Variants in DUS4L observed in about 807,000 individuals in gnomAD.
DUS4L encodes tRNA-dihydrouridine(20a/20b) synthase [NAD(P)+]-like.
A neutral mutation model predicts 33.8 loss-of-function variants in DUS4L; 31 were observed. That is an observed-to-expected ratio of 0.92 (90% CI 0.69 to 1.24). The LOEUF (loss-of-function observed/expected upper bound fraction) is 1.24, where lower values mean the gene tolerates loss of function less well. Ranked by LOEUF, DUS4L falls within the 50% of genes most tolerant of loss-of-function variation. The pLI is 0.00. For synonymous variants in DUS4L, 103 were observed against 120.3 expected, an observed-to-expected ratio of 0.86 and a Z score of 0.94; for missense variants, 368 against 388.6, an observed-to-expected ratio of 0.95 and a Z score of 0.45.
intron 2 of DUS4L, among the ~76,000 whole-genome samples, chr7:107,565,777 G>A (rs138320857): frequency 1.7e-3 from 256 of 152,098 alleles, no homozygotes; most frequent in African/African-American, 5.8e-3. Flanking sequence ...CTCCCACCTT[G>A]GCCTCCCAAA....
chr7:107,568,435 C>T (rs1477125250), intron 3 of DUS4L, among the ~76,000 whole-genome samples: 2 of 152,154 alleles, frequency 1.3e-5, no homozygotes, highest in Non-Finnish European at 2.9e-5. Context: ...TTGCATTTCC[C>T]TAATGATTAA....
chr7:107,571,983 C>T (rs182137013), intron 4 of DUS4L, among the ~76,000 whole-genome samples: 16 of 151,658 alleles, frequency 1.1e-4, no homozygotes, highest in African/African-American at 3.9e-4. Context: ...GTTTATGTTT[C>T]GTCATTCAGC....
chr7:107,577,421 G>C lies in DUS4L; in HGVS notation c.815G>C (p.Gly272Ala). Residue 272 changes from glycine to alanine, a missense_variant, in exon 8 of 8, where the codon GGG becomes GCG. By Grantham distance (60) the Gly-to-Ala change is moderately conservative. Transcript: ENST00000265720. ...TGGGTTGACATTGCTCTTGAACTCG[G>C]GACTCCTTACATGTGTTTCCATCAA... ...WDWVDIALEL[G>A]TPYMCFHQHL... 6.2e-7 allele frequency: 1 copy of C among 1,614,004 alleles called. No homozygotes were observed. The highest frequency in any genetic ancestry group is 1.1e-5 in the South Asian group (1 of 91,072).
chr7:107,569,330 A>C (rs1804991451), intron 3 of DUS4L, among the ~76,000 whole-genome samples: 1 of 152,236 alleles, frequency 6.6e-6, no homozygotes, highest in African/African-American at 2.4e-5. Context: ...ACACAGTTTT[A>C]CTATATAGCT....
intron 6 of DUS4L, 63 bp downstream of exon 6, chr7:107,575,373 G>A (rs1805634358): frequency 1.4e-5 from 22 of 1,561,778 alleles, no homozygotes; most frequent in Non-Finnish European, 1.8e-5. Context: ...AAAGATTATT[G>A]CTTTTGTCTG....
At chr7:107,574,602 T>A (rs1489361446) in intron 5 of DUS4L, among the ~76,000 whole-genome samples, 1 of 152,192 alleles carries the variant, frequency 6.6e-6, no homozygotes, top group Non-Finnish European at 1.5e-5. Context: ...CCTCCCAAAG[T>A]GCTGGGATTA....
chr7:107,564,089 A>G lies in DUS4L; in HGVS notation c.-231A>G. On this transcript the variant is annotated 5_prime_UTR_variant, in exon 1 of 8. Transcript: ENST00000265720. ...TCGAGCAGTGGGCGCCCAGGGTCCG[A>G]GTGCTCTGCGCCCAGCGCACCGAGG... 1 of 1,315,764 alleles carries G rather than the reference A, an allele frequency of 7.6e-7. No individual in the cohort carries two copies. The highest frequency in any genetic ancestry group is 1.1e-6 in the Non-Finnish European group (1 of 950,144). The allele number at this position is 1,315,764 out of a possible 1,614,324, so 81.5% of individuals were successfully genotyped here.
chr7:107,564,057 C>T lies in DUS4L; in HGVS notation c.-263C>T. 6.6e-7 allele frequency: 1 copy of T among 1,511,432 alleles called. No homozygotes were observed. The highest frequency in any genetic ancestry group is 8.9e-7 in the Non-Finnish European group (1 of 1,124,090). 93.6% of individuals were successfully genotyped at this position (1,511,432 alleles called of 1,614,324 possible). A position where few individuals can be genotyped will look rare whatever the true frequency, so the allele number is the denominator to read the frequency against. On this transcript the variant is annotated 5_prime_UTR_variant, in exon 1 of 8. Coordinates refer to ENST00000265720, the MANE Select transcript of DUS4L (RefSeq NM_181581.3). ...GGGCTAAGCCTGGCTAGGAGCCGCG[C>T]AGGTACTCGAGCAGTGGGCGCCCAG... is the stretch of plus-strand genomic sequence containing the variant.
chr7:107,572,509 A>G (rs1312824000), intron 4 of DUS4L, among the ~76,000 whole-genome samples: 1 of 152,210 alleles, frequency 6.6e-6, no homozygotes, highest in Non-Finnish European at 1.5e-5. Context: ...TACGAAAAAT[A>G]TGTTCTTTAA....
intron 2 of DUS4L, among the ~76,000 whole-genome samples, chr7:107,564,905 C>T (rs906047881): frequency 5.3e-5 from 8 of 152,138 alleles, no homozygotes; most frequent in Admixed American, 3.9e-4. Flanking sequence ...TGGTTTTCTA[C>T]ATTCTGTTTC....
chr7:107,572,741 T>C (rs1287495719), intron 4 of DUS4L, among the ~76,000 whole-genome samples: 1 of 151,928 alleles, frequency 6.6e-6, no homozygotes, highest in Non-Finnish European at 1.5e-5. Context: ...TCCTAGCTAC[T>C]TGGGAGACTG....
intron 5 of DUS4L, among the ~76,000 whole-genome samples, chr7:107,574,252 A>G (rs1485144923): frequency 6.6e-6 from 1 of 152,042 alleles, no homozygotes; most frequent in Non-Finnish European, 1.5e-5. Context: ...AAAATACCTT[A>G]TTATAATCAC....
intron 2 of DUS4L, among the ~76,000 whole-genome samples, chr7:107,565,148 C>T (rs1314328715): frequency 6.6e-6 from 1 of 152,050 alleles, no homozygotes; most frequent in Non-Finnish European, 1.5e-5. Flanking sequence ...GGCTTTATTC[C>T]CCCCAGTGGA....
chr7:107,569,338 G>A (rs950373283), intron 3 of DUS4L, among the ~76,000 whole-genome samples: 2 of 152,132 alleles, frequency 1.3e-5, no homozygotes, highest in Non-Finnish European at 2.9e-5. Flanking sequence ...TTACTATATA[G>A]CTCTATAATA....
intron 7 of DUS4L, 60 bp downstream of exon 7, chr7:107,576,652 T>C: frequency 6.8e-6 from 9 of 1,319,700 alleles, no homozygotes; most frequent in Non-Finnish European, 8.4e-6. Flanking sequence ...AGTGGGGAAG[T>C]AATGTTAATT....
intron 7 of DUS4L, 198 bp downstream of exon 7, chr7:107,576,790 A>G (rs1805797361): frequency 3.8e-6 from 2 of 522,288 alleles, no homozygotes; most frequent in Non-Finnish European, 6.4e-6. Context: ...ACTGGGATAA[A>G]TTAATTCAGT....
In DUS4L at chr7:107,571,286, C is replaced by A. The variant is rs747667087; in HGVS notation, c.238+20C>A. 14 of 1,590,062 alleles carry A rather than the reference C, an allele frequency of 8.8e-6. No individual in the cohort carries two copies. The South Asian group carries it at 1.6e-4, about 18-fold the overall frequency. The stretch of plus-strand genomic sequence containing the variant: ...ATCAAGGTATGTGAAACCGAGTGTA[C>A]TGACTTTGTAAAACTTTTTAAATTT... On this transcript the variant is annotated intron_variant, in intron 4 of 7. Coordinates refer to ENST00000265720, the MANE Select transcript of DUS4L (RefSeq NM_181581.3).
chr7:107,564,005 T>G lies in DUS4L; in HGVS notation c.-315T>G. ...CCCAGCCCATGGCTCCAGGCCCACCTGGCGAACTGACTCTCAGCCCGCGCC... is the reference window on the plus strand; with the variant it reads ...CCCAGCCCATGGCTCCAGGCCCACCGGGCGAACTGACTCTCAGCCCGCGCC... On this transcript the variant is annotated 5_prime_UTR_variant, in exon 1 of 8. Coordinates refer to ENST00000265720, the MANE Select transcript of DUS4L (RefSeq NM_181581.3). 2 of 1,160,176 alleles carry G rather than the reference T, an allele frequency of 1.7e-6. No homozygotes were observed. Among genetic ancestry groups the G allele is most frequent in the Non-Finnish European group, 2.3e-6 (2 of 859,362 alleles). 71.9% of individuals were successfully genotyped at this position (1,160,176 alleles called of 1,614,324 possible).
intron 3 of DUS4L, among the ~76,000 whole-genome samples, chr7:107,569,798 T>C (rs1805042277): frequency 6.6e-6 from 1 of 152,254 alleles, no homozygotes; most frequent in Non-Finnish European, 1.5e-5. Flanking sequence ...TTGTTGGTTC[T>C]AGTTTTTTTG....
Sources: gnomAD v4.1 joint callset for allele counts (sites outside exome capture counted in the v4.1 genomes callset) on GRCh38, gnomAD v4.1.1 for gene constraint, MANE v1.5 for transcripts, NCBI Gene and HGNC (gene_info 2026-07-23, HGNC 2026-07-21) for gene names.